SDK1: variants seen among roughly 807,000 people sequenced by gnomAD.
The protein encoded by SDK1 is protein sidekick-1.
Under a neutral mutation model 245.5 loss-of-function variants are expected in SDK1, and 157 were observed. That is an observed-to-expected ratio of 0.64 (90% CI 0.56 to 0.73). The LOEUF is 0.73. Ranked by LOEUF, SDK1 falls within the 30% of genes least tolerant of loss-of-function variation. The probability of loss-of-function intolerance (pLI) is 0.00; values close to 1 mark genes in which losing one functional copy is unlikely to be tolerated. For missense variants in SDK1, 3,583 were observed against 3,002.3 expected (o/e 1.19, Z -4.52); for synonymous variants, 1,647 against 1,278.5 (o/e 1.29, Z -6.15).
At position 3,509,191 on chromosome 7, in the gene SDK1, A is replaced by G. The variant is rs550144770; in HGVS notation, c.299-109889A>G. Among the ~76,000 whole-genome samples the G allele has an allele frequency of 4.6e-5, 7 of 152,142 alleles. No homozygotes were observed. In the South Asian group the frequency reaches 1.2e-3, roughly 27 times the overall value. ...AAGTAAGATTAAGTTGTGTTAGACA[A>G]TGGAGTCTTACACAGTGACTTGACC... On this transcript the variant is annotated intron_variant, in intron 1 of 44. Transcript: ENST00000404826.
chr7:4,009,984 G>T (rs1785806585), intron 14 of SDK1, among the ~76,000 whole-genome samples: 1 of 152,224 alleles, frequency 6.6e-6, no homozygotes, highest in Non-Finnish European at 1.5e-5. Context: ...GGTACTGTCT[G>T]CAGGCTCTGC....
chr7:3,353,798 G>C (rs1366117764), intron 1 of SDK1, among the ~76,000 whole-genome samples: 1 of 144,522 alleles, frequency 6.9e-6, no homozygotes, highest in Non-Finnish European at 1.6e-5. Flanking sequence ...ATTTCATCTA[G>C]AAGATCACTA....
chr7:3,775,730 CCG>C, intron 4 of SDK1, among the ~76,000 whole-genome samples: 1 of 151,990 alleles, frequency 6.6e-6, no homozygotes, highest in Non-Finnish European at 1.5e-5. Context: ...GCGCCCGCCA[CCG>C]CACCCGGCTA....
At chr7:3,619,613 G>A (rs1053449806) in intron 2 of SDK1, among the ~76,000 whole-genome samples, 1 of 152,180 alleles carries the variant, frequency 6.6e-6, no homozygotes, top group East Asian at 1.9e-4. Context: ...CAGATCTTTA[G>A]TATGGTAGCT....
intron 35 of SDK1, among the ~76,000 whole-genome samples, chr7:4,180,032 C>T (rs975145571): frequency 6.6e-6 from 1 of 152,022 alleles, no homozygotes; most frequent in Non-Finnish European, 1.5e-5. Context: ...GGCCCTGAGA[C>T]CGAGGCAGAC....
intron 4 of SDK1, among the ~76,000 whole-genome samples, chr7:3,785,050 C>T (rs1443109690): frequency 6.6e-6 from 1 of 152,186 alleles, no homozygotes; most frequent in African/African-American, 2.4e-5. Context: ...CTTTCATTTG[C>T]AGCAGCATGG....
intron 1 of SDK1, among the ~76,000 whole-genome samples, chr7:3,408,390 A>G (rs1266733968): frequency 6.6e-6 from 1 of 152,140 alleles, no homozygotes; most frequent in Non-Finnish European, 1.5e-5. Flanking sequence ...TGTATGACTA[A>G]AATGTTACTT....
chr7:3,457,953 C>T (rs1024322905), intron 1 of SDK1, among the ~76,000 whole-genome samples: 2 of 152,224 alleles, frequency 1.3e-5, no homozygotes, highest in Admixed American at 1.3e-4. Context: ...TTTACTCTCA[C>T]ACTTGTCTAG....
chr7:3,628,145 A>T (rs1003881165), intron 2 of SDK1, among the ~76,000 whole-genome samples: 1 of 152,096 alleles, frequency 6.6e-6, no homozygotes, highest in African/African-American at 2.4e-5. Flanking sequence ...ACTCATGTAT[A>T]ATCCCAGGCC....
At chr7:3,923,156 G>C (rs1779652986) in intron 5 of SDK1, among the ~76,000 whole-genome samples, 1 of 152,162 alleles carries the variant, frequency 6.6e-6, no homozygotes, top group African/African-American at 2.4e-5. Context: ...CTCTCAATGA[G>C]TTATTTGATT....
At chr7:4,185,545 C>A (rs555143281) in intron 35 of SDK1, among the ~76,000 whole-genome samples, 1 of 152,170 alleles carries the variant, frequency 6.6e-6, no homozygotes, top group African/African-American at 2.4e-5. Flanking sequence ...GCTCCCTACT[C>A]CCGTCCCTGG....
intron 2 of SDK1, among the ~76,000 whole-genome samples, chr7:3,633,146 G>T (rs1441075982): frequency 1.3e-5 from 2 of 151,916 alleles, no homozygotes; most frequent in Non-Finnish European, 2.9e-5. Flanking sequence ...GAACTTGGTT[G>T]CTTATTTTCA....
intron 21 of SDK1, among the ~76,000 whole-genome samples, chr7:4,077,631 A>G (rs899576009): frequency 2.0e-5 from 3 of 152,236 alleles, no homozygotes; most frequent in South Asian, 2.1e-4. Flanking sequence ...CCTCACAATC[A>G]TGGCGGAAGG....
intron 5 of SDK1, among the ~76,000 whole-genome samples, chr7:3,828,669 T>C (rs1779839520): frequency 6.7e-6 from 1 of 148,660 alleles, no homozygotes; most frequent in South Asian, 2.1e-4. Context: ...TTTTTTTGTT[T>C]TTTTGACACA....
intron 17 of SDK1, among the ~76,000 whole-genome samples, chr7:4,041,546 G>A (rs766826182): frequency 3.3e-5 from 5 of 151,948 alleles, no homozygotes; most frequent in South Asian, 2.1e-4. Flanking sequence ...TGTATCCCCC[G>A]TTATAGCCTA....
At chr7:3,318,292 G>A (rs534434196) in intron 1 of SDK1, among the ~76,000 whole-genome samples, 2 of 152,254 alleles carry the variant, frequency 1.3e-5, no homozygotes, top group Admixed American at 6.5e-5. Context: ...GTCATGAGTC[G>A]TAGAGCTGGA....
At chr7:4,157,844 G>A (rs1163391376) in intron 30 of SDK1, among the ~76,000 whole-genome samples, 2 of 152,164 alleles carry the variant, frequency 1.3e-5, no homozygotes, top group African/African-American at 4.8e-5. Context: ...TGAATGGTAG[G>A]GGTGCGGGGC....
chr7:3,753,720 A>G (rs1243699361), intron 4 of SDK1, among the ~76,000 whole-genome samples: 1 of 152,182 alleles, frequency 6.6e-6, no homozygotes, highest in Non-Finnish European at 1.5e-5. Flanking sequence ...AATGAAATGC[A>G]TGAAGTGACA....
chr7:4,048,190 C>G (rs767963031), intron 17 of SDK1, among the ~76,000 whole-genome samples: 2 of 152,172 alleles, frequency 1.3e-5, no homozygotes, highest in African/African-American at 2.4e-5. Flanking sequence ...CCTTGTTTTT[C>G]TTTCTCTGCG....
Sources: allele counts gnomAD v4.1 joint callset (sites outside exome capture counted in the v4.1 genomes callset), GRCh38; gene constraint gnomAD v4.1.1; transcripts MANE v1.5; gene names NCBI Gene and HGNC (gene_info 2026-07-23, HGNC 2026-07-21).